The following CD8B2 variants were observed in gnomAD, a reference collection of about 807,000 sequenced individuals.
The protein encoded by CD8B2 is T-cell surface glycoprotein CD8 beta-2 chain.
In CD8B2, 11 loss-of-function variants were observed where a neutral mutation model predicts 23.7. The ratio of observed to expected loss-of-function variants is 0.46; its 90% CI spans 0.29 to 0.77. The LOEUF is 0.77. Among genes scored for constraint, CD8B2 ranks in the 30% least tolerant of loss-of-function variants. The probability of loss-of-function intolerance (pLI) is 0.09; values close to 1 mark genes in which losing one functional copy is unlikely to be tolerated. For missense variants in CD8B2, 197 were observed against 270.5 expected, an observed-to-expected ratio of 0.73 and a Z score of 1.91; for synonymous variants, 90 against 109.3, an observed-to-expected ratio of 0.82 and a Z score of 1.10.
chr2:106,541,106 G>C (rs553476683), intron 5 of CD8B2, among the ~76,000 whole-genome samples: 83 of 152,286 alleles, frequency 5.5e-4, no homozygotes, highest in African/African-American at 1.9e-3. Flanking sequence ...CTGGGGCAGA[G>C]GAAGGCAGGC....
At chr2:106,505,009 T>C (rs1408866268) in intron 5 of CD8B2, among the ~76,000 whole-genome samples, 1 of 152,180 alleles carries the variant, frequency 6.6e-6, no homozygotes, top group Non-Finnish European at 1.5e-5. Flanking sequence ...CCCACTAAGC[T>C]GAGAAAGCGC....
At chr2:106,529,935 C>T (rs1348689745) in intron 5 of CD8B2, among the ~76,000 whole-genome samples, 1 of 152,186 alleles carries the variant, frequency 6.6e-6, no homozygotes, top group Non-Finnish European at 1.5e-5. Flanking sequence ...TAGTGAAAAA[C>T]CATAGCAAAA....
chr2:106,526,100 C>T (rs1485942268), intron 5 of CD8B2, among the ~76,000 whole-genome samples: 3 of 151,986 alleles, frequency 2.0e-5, no homozygotes, highest in Admixed American at 6.6e-5. Flanking sequence ...AAATTAGCCA[C>T]GTGTGGCGGC....
intron 1 of CD8B2, among the ~76,000 whole-genome samples, chr2:106,489,549 G>A (rs560693156): frequency 3.3e-5 from 5 of 152,276 alleles, no homozygotes; most frequent in Admixed American, 1.3e-4. Flanking sequence ...CAACTCCTGC[G>A]TCTCTGCCCT....
chr2:106,497,949 A>ATGG (rs1679329553), intron 3 of CD8B2, among the ~76,000 whole-genome samples: 2 of 152,154 alleles, frequency 1.3e-5, no homozygotes, highest in Non-Finnish European at 2.9e-5. Flanking sequence ...CCCAAGTTGT[A>ATGG]TGGCACCCCA....
At chr2:106,512,340 G>A (rs1679648236), downstream of CD8B2, among the ~76,000 whole-genome samples, 1 of 152,162 alleles carries the variant, frequency 6.6e-6, no homozygotes, top group Non-Finnish European at 1.5e-5. Context: ...GCCTCCCAAA[G>A]TGCTGGGATT....
chr2:106,495,228 C>A (rs925821482), intron 2 of CD8B2, among the ~76,000 whole-genome samples: 1 of 152,118 alleles, frequency 6.6e-6, no homozygotes, highest in South Asian at 2.1e-4. Context: ...AGTCATACAG[C>A]GGTTAATCAG....
chr2:106,512,975 C>A (rs1166008075), downstream of CD8B2, among the ~76,000 whole-genome samples: 5 of 152,236 alleles, frequency 3.3e-5, no homozygotes, highest in Non-Finnish European at 5.9e-5. Flanking sequence ...ACAAATCACT[C>A]CTAAGCCTGA....
At chr2:106,489,944 A>G (rs1344137353) in intron 1 of CD8B2, among the ~76,000 whole-genome samples, 1 of 152,108 alleles carries the variant, frequency 6.6e-6, no homozygotes, top group Non-Finnish European at 1.5e-5. Flanking sequence ...CTAGCTCCTC[A>G]TGAATAAGCC....
intron 5 of CD8B2, 31 bp downstream of exon 5, chr2:106,504,356 T>A (rs62154001): frequency 0.18 from 279,099 of 1,554,626 alleles, 26,635 homozygotes; most frequent in South Asian, 0.2. Flanking sequence ...TGGCCTTGGG[T>A]TCCTCAGCCC....
At chr2:106,490,298 A>T (rs1679168097) in intron 1 of CD8B2, among the ~76,000 whole-genome samples, 1 of 152,066 alleles carries the variant, frequency 6.6e-6, no homozygotes, top group Non-Finnish European at 1.5e-5. Context: ...GGCCACTTAC[A>T]TACTGTAAGT....
At chr2:106,488,756 GT>G (rs1679131697) in intron 1 of CD8B2, among the ~76,000 whole-genome samples, 1 of 152,278 alleles carries the variant, frequency 6.6e-6, no homozygotes, top group East Asian at 1.9e-4. Flanking sequence ...TTGCAAAACA[GT>G]ATCTCCCCCA....
chr2:106,494,443 C>T (rs1679260362), intron 2 of CD8B2, among the ~76,000 whole-genome samples: 2 of 151,940 alleles, frequency 1.3e-5, no homozygotes. Flanking sequence ...TCACCGCGCC[C>T]AGCCTTAATA....
chr2:106,500,025 C>T (rs1189295763), intron 3 of CD8B2, among the ~76,000 whole-genome samples: 1 of 116,786 alleles, frequency 8.6e-6, no homozygotes, highest in Non-Finnish European at 1.8e-5. Flanking sequence ...GGGCTGCCAC[C>T]CATGTAGCAG....
chr2:106,504,571 G>C (rs1679470248), intron 5 of CD8B2, among the ~76,000 whole-genome samples: 1 of 89,934 alleles, frequency 1.1e-5, no homozygotes, highest in African/African-American at 4.1e-5. Context: ...GGGCAACAGA[G>C]TGAGACCCCA....
intron 5 of CD8B2, among the ~76,000 whole-genome samples, chr2:106,504,648 C>T (rs1055158827): frequency 6.6e-6 from 1 of 152,096 alleles, no homozygotes; most frequent in Non-Finnish European, 1.5e-5. Context: ...TAAGAGATAA[C>T]CTAAACAAAC....
chr2:106,496,089 C>T lies in CD8B2; in HGVS notation c.404-84C>T, dbSNP rs1010038827. On this transcript the variant is annotated intron_variant, in intron 2 of 5. Coordinates refer to ENST00000643224, the MANE Select transcript of CD8B2 (RefSeq NM_001349727.2). ...TTGGGATTCCAGGCATGAGCCACCG[C>T]ACCCGGCCATAAGACAAAGTTTTGT... 6.5e-6 allele frequency: 10 copies of T among 1,549,166 alleles called. No homozygotes were observed. In the Middle Eastern group the frequency reaches 5.4e-4, roughly 83 times the overall value.
intron 2 of CD8B2, among the ~76,000 whole-genome samples, chr2:106,494,127 G>A (rs776587100): frequency 1.3e-5 from 2 of 151,466 alleles, no homozygotes; most frequent in African/African-American, 4.9e-5. Context: ...GGCTTCCCCT[G>A]CCTGTTCCCC....
chr2:106,517,111 A>G (rs2104566437), intron 5 of CD8B2, among the ~76,000 whole-genome samples: 1 of 151,486 alleles, frequency 6.6e-6, no homozygotes, highest in African/African-American at 2.4e-5. Context: ...TTATTACTCA[A>G]ATTTTATTAT....
Sources: allele counts gnomAD v4.1 joint callset (sites outside exome capture counted in the v4.1 genomes callset), GRCh38; gene constraint gnomAD v4.1.1; transcripts MANE v1.5; gene names NCBI Gene and HGNC (gene_info 2026-07-23, HGNC 2026-07-21).